The following NTRK1 variants were observed in gnomAD, a reference collection of about 807,000 sequenced individuals.
NTRK1 encodes the protein high affinity nerve growth factor receptor.
NTRK1 carries 62 observed loss-of-function variants against 86.8 expected under a neutral mutation model. That is an observed-to-expected ratio of 0.71 (90% CI 0.58 to 0.88). The LOEUF (loss-of-function observed/expected upper bound fraction) is 0.88. Among genes scored for constraint, NTRK1 ranks in the 40% least tolerant of loss-of-function variants. The pLI, the probability that NTRK1 is intolerant of heterozygous loss-of-function variation, is 0.00. For synonymous variants in NTRK1, 469 were observed against 456.6 expected, an observed-to-expected ratio of 1.03 and a Z score of -0.35; for missense variants, 967 against 1,078.4, an observed-to-expected ratio of 0.90 and a Z score of 1.45.
rs1558101010 is a variant in NTRK1 at position 156,868,664 on chromosome 1, T to G, written c.717+17T>G. On this transcript the variant is annotated intron_variant, in intron 6 of 16. Coordinates refer to ENST00000524377, the MANE Select transcript of NTRK1 (RefSeq NM_002529.4). ...ACGGTGATGGTGAGAAGACCTTCGC[T>G]GGCAGCCCCCAAGAGGTCCAGGCAG... The G allele has an allele frequency of 6.5e-7, 1 of 1,549,892 alleles. No individual in the cohort carries two copies.
intron 1 of NTRK1, among the ~76,000 whole-genome samples, chr1:156,827,709 C>T (rs897051774): frequency 6.6e-6 from 1 of 151,994 alleles, no homozygotes; most frequent in African/African-American, 2.4e-5. Flanking sequence ...ATATTAGTGC[C>T]TCTTACTGCT....
intron 1 of NTRK1, among the ~76,000 whole-genome samples, chr1:156,817,882 A>G (rs1292914631): frequency 6.6e-6 from 1 of 152,108 alleles, no homozygotes; most frequent in Non-Finnish European, 1.5e-5. Context: ...GCGTCAAGTG[A>G]TCCACCCACC....
intron 4 of NTRK1, 147 bp from the exon 5 acceptor site, chr1:156,867,957 T>C: frequency 2.3e-6 from 2 of 887,196 alleles, no homozygotes; most frequent in Non-Finnish European, 3.7e-6. Flanking sequence ...TTGAATAACA[T>C]CCTGTTACTG....
Position 156,881,791 on chromosome 1 carries a change from A to C in NTRK1, c.*149A>C. On this transcript the variant is annotated 3_prime_UTR_variant, in exon 17 of 17. Transcript: ENST00000524377. ...AGGGACAGGTGGGGGCTGGGAGTAGAGGATGTTCCTGCTTCTCTAGGCAAG... is the reference window on the plus strand; with the variant it reads ...AGGGACAGGTGGGGGCTGGGAGTAGCGGATGTTCCTGCTTCTCTAGGCAAG... 1.4e-6 allele frequency: 1 copy of C among 737,798 alleles called. No individual in the cohort carries two copies. The highest frequency in any genetic ancestry group is 2.1e-5 in the South Asian group (1 of 47,806). The allele number at this position is 737,798 out of a possible 1,614,324, so 45.7% of individuals were successfully genotyped here.
chr1:156,818,518 C>A (rs1331043840), intron 1 of NTRK1, among the ~76,000 whole-genome samples: 2 of 152,162 alleles, frequency 1.3e-5, no homozygotes, highest in African/African-American at 2.4e-5. Context: ...TTATATCACT[C>A]TCATGCCTTT....
At chr1:156,842,362 C>A (rs776116756) in intron 2 of NTRK1, 4 of 1,613,008 alleles carry the variant, frequency 2.5e-6, no homozygotes, top group Non-Finnish European at 3.4e-6. Flanking sequence ...TGTGCCCAAC[C>A]CTTCTTTCAC....
chr1:156,870,456 G>A (rs1647487803), intron 6 of NTRK1, among the ~76,000 whole-genome samples: 4 of 152,172 alleles, frequency 2.6e-5, no homozygotes, highest in Admixed American at 2.6e-4. Flanking sequence ...GGAGGATAAG[G>A]GGTGGCAGAC....
Position 156,864,720 on chromosome 1 carries a change from C to T in NTRK1, c.288-8C>T, listed in dbSNP as rs80026148. 1.7e-3 allele frequency: 2,796 copies of T among 1,613,884 alleles called. 35 individuals carry two copies. The African/African-American group carries it at 0.03, about 17-fold the overall frequency. ...CCTGGGGACTGATCCTCCTGCACCCCTCCCCAGCACCATCGTGAAGAGTGG... is the reference window on the plus strand; with the variant it reads ...CCTGGGGACTGATCCTCCTGCACCCTTCCCCAGCACCATCGTGAAGAGTGG... On this transcript the variant is annotated splice_region_variant and splice_polypyrimidine_tract_variant and intron_variant, in intron 2 of 16. Transcript: ENST00000524377.
At chr1:156,861,289 G>C in intron 1 of NTRK1, 143 bp downstream of exon 1, 1 of 946,252 alleles carries the variant, frequency 1.1e-6, no homozygotes, top group South Asian at 1.7e-5. Flanking sequence ...GGCGCTGCCC[G>C]GGCGTTCCTC....
intron 1 of NTRK1, among the ~76,000 whole-genome samples, chr1:156,827,452 G>A (rs989062411): frequency 1.3e-5 from 2 of 151,992 alleles, no homozygotes; most frequent in African/African-American, 4.8e-5. Context: ...AGTAGAGACG[G>A]GGTTTCACCA....
intron 1 of NTRK1, among the ~76,000 whole-genome samples, chr1:156,831,662 G>T (rs146072009): frequency 7.2e-5 from 11 of 152,270 alleles, no homozygotes; most frequent in Middle Eastern, 3.4e-3. Flanking sequence ...TGGTCTCAAG[G>T]ATGCCAAGAG....
chr1:156,866,531 C>G (rs966696584), intron 3 of NTRK1, among the ~76,000 whole-genome samples: 1 of 152,186 alleles, frequency 6.6e-6, no homozygotes, highest in Non-Finnish European at 1.5e-5. Context: ...CCTCTGGCCC[C>G]GTCCTGGGCT....
intron 2 of NTRK1, chr1:156,843,119 C>G (rs1482794460): frequency 6.2e-7 from 1 of 1,614,046 alleles, no homozygotes; most frequent in Non-Finnish European, 8.5e-7. Flanking sequence ...GGACTCCTCT[C>G]CAGCCTCAAG....
chr1:156,844,091 TGTCTCATCTACCTCCCTTTGACA>T, intron 2 of NTRK1: 1 of 956,908 alleles, frequency 1.0e-6, no homozygotes, highest in South Asian at 1.5e-5. Context: ...GTCTTTCTAC[TGTCTCATCTACCTCCCTTTGACA>T]GACTTTATGA....
Position 156,871,632 on chromosome 1 carries a change from G to C in NTRK1, c.727G>C (p.Gly243Arg), listed in dbSNP as rs1167013811. 2.5e-6 allele frequency: 4 copies of C among 1,613,974 alleles called. No individual in the cohort carries two copies. In the African/African-American group the frequency reaches 5.3e-5, roughly 22 times the overall value. The stretch of plus-strand genomic sequence containing the variant: ...CTCTTTCCTGATCTAGAAATCTGGG[G>C]GTCTGCCATCCCTGGGGCTGACCCT... ...EQSATVMKSG[G>R]LPSLGLTLAN... The change falls in exon 7 of 17, where the codon GGT becomes CGT. Residue 243 changes from glycine (G) to arginine (R), a missense_variant. This residue lies in a region of NTRK1 where 637 missense variants were observed against 776.5 expected (regional missense o/e 0.82). Coordinates refer to ENST00000524377, the MANE Select transcript of NTRK1 (RefSeq NM_002529.4).
At chr1:156,871,520 C>T in intron 6 of NTRK1, 103 bp from the exon 7 acceptor site, 1 of 1,321,612 alleles carries the variant, frequency 7.6e-7, no homozygotes, top group East Asian at 2.3e-5. Context: ...CCCAGCCCTC[C>T]TCTCCTTTCC....
In NTRK1 at chr1:156,867,317, G is replaced by A. The variant is rs571770985; in HGVS notation, c.428+339G>A. On this transcript the variant is annotated intron_variant, in intron 4 of 16. Coordinates refer to ENST00000524377, the MANE Select transcript of NTRK1 (RefSeq NM_002529.4). ...GGGCAGCAGGGGTCCATGTGTACCT[G>A]GTGGGCACTTAAAGCCTCTGGGTCA... 1.8e-3 allele frequency among the ~76,000 whole-genome samples: 271 copies of A among 152,302 alleles called. 1 individual carries two copies. Among genetic ancestry groups the A allele is most frequent in the Non-Finnish European group, 3.3e-3 (224 of 68,010 alleles).
At chr1:156,861,181 ACAGG>A in intron 1 of NTRK1, 35 bp downstream of exon 1, 1 of 1,534,718 alleles carries the variant, frequency 6.5e-7, no homozygotes, top group East Asian at 2.4e-5. Flanking sequence ...GGGCGCGGGG[ACAGG>A]CAGGCATTGC....
intron 1 of NTRK1, among the ~76,000 whole-genome samples, chr1:156,832,855 G>T (rs1444711681): frequency 6.6e-6 from 1 of 152,240 alleles, no homozygotes; most frequent in Non-Finnish European, 1.5e-5. Flanking sequence ...TACTGCAATT[G>T]TTTGTCTACA....
Sources: allele counts gnomAD v4.1 joint callset (sites outside exome capture counted in the v4.1 genomes callset), GRCh38; gene constraint gnomAD v4.1.1; regional missense constraint gnomAD v4.1.1; transcripts MANE v1.5; gene names NCBI Gene and HGNC (gene_info 2026-07-23, HGNC 2026-07-21).